The following DYNC2H1 variants were observed in gnomAD, a reference collection of about 807,000 sequenced individuals.
The protein encoded by DYNC2H1 is cytoplasmic dynein 2 heavy chain 1.
DYNC2H1 carries 410 observed loss-of-function variants against 570.0 expected under a neutral mutation model. That is an observed-to-expected ratio of 0.72 (90% CI 0.66 to 0.78). DYNC2H1 has a LOEUF of 0.78. Ranked by LOEUF, DYNC2H1 falls within the 30% of genes least tolerant of loss-of-function variation. DYNC2H1 has a pLI of 0.00. For missense variants in DYNC2H1, 4,865 were observed against 5,046.4 expected, an observed-to-expected ratio of 0.96 and a Z score of 1.09; for synonymous variants, 1,688 against 1,677.6, an observed-to-expected ratio of 1.01 and a Z score of -0.15.
intron 20 of DYNC2H1, among the ~76,000 whole-genome samples, 199 bp downstream of exon 20, chr11:103,148,816 T>C: frequency 6.7e-6 from 1 of 150,094 alleles, no homozygotes; most frequent in East Asian, 1.9e-4. Flanking sequence ...CTCAGTACTT[T>C]GGGAGGCCGA....
Position 103,256,325 on chromosome 11 carries a change from CAG to C in DYNC2H1, c.10461+86_10461+87del. On this transcript the variant is annotated intron_variant, in intron 68 of 88. Coordinates refer to ENST00000375735, the MANE Select transcript of DYNC2H1 (RefSeq NM_001377.3). The surrounding 1 kb of genome is among the most constrained non-coding windows in gnomAD (Gnocchi z 4.0). ...GATAGAAAATGTAGAATCAGGTCCT[CAG>C]GGGAAAGATGATGTGAAAAGAAAAA... is the stretch of plus-strand genomic sequence containing the variant. 1 of 1,325,650 alleles carries C rather than the reference CAG, an allele frequency of 7.5e-7. No homozygotes were observed. Among genetic ancestry groups the C allele is most frequent in the Non-Finnish European group, 1.0e-6 (1 of 971,796 alleles). 82.1% of individuals were successfully genotyped at this position (1,325,650 alleles called of 1,614,324 possible). A position where few individuals can be genotyped will look rare whatever the true frequency, so the allele number is the denominator to read the frequency against.
intron 69 of DYNC2H1, among the ~76,000 whole-genome samples, chr11:103,258,229 G>T (rs1865139984): frequency 6.6e-6 from 1 of 152,132 alleles, no homozygotes. Context: ...TTAACTAAAA[G>T]ATACAATACT....
At chr11:103,197,132 G>GTT (rs140092366) in intron 47 of DYNC2H1, among the ~76,000 whole-genome samples, 15 of 149,224 alleles carry the variant, frequency 1.0e-4, no homozygotes, top group Non-Finnish European at 1.8e-4. Flanking sequence ...AATTTGGTCA[G>GTT]TTTTTTTTTT....
In DYNC2H1 at chr11:103,186,064, A is replaced by T. The variant is rs1189067929; in HGVS notation, c.6634-178A>T. ...ATACTTTAATTTACTTGCATAAATGATCATTTAGAGAAAAATATTTGAGAT... is the reference window on the plus strand; with the variant it reads ...ATACTTTAATTTACTTGCATAAATGTTCATTTAGAGAAAAATATTTGAGAT... On this transcript the variant is annotated intron_variant, in intron 41 of 88. Transcript: ENST00000375735. The surrounding 1 kb of genome is among the most constrained non-coding windows in gnomAD (Gnocchi z 4.5). Among the ~76,000 whole-genome samples the T allele has an allele frequency of 6.6e-6, 1 of 152,000 alleles. No individual in the cohort carries two copies. The highest frequency in any genetic ancestry group is 2.4e-5 in the African/African-American group (1 of 41,422).
chr11:103,199,169 A>G lies in DYNC2H1; in HGVS notation c.7840-59A>G. 1 of 1,223,486 alleles carries G rather than the reference A, an allele frequency of 8.2e-7. No homozygotes were observed. The highest frequency in any genetic ancestry group is 1.1e-6 in the Non-Finnish European group (1 of 918,812). 75.8% of individuals were successfully genotyped at this position (1,223,486 alleles called of 1,614,324 possible). On this transcript the variant is annotated intron_variant, in intron 48 of 88. Coordinates refer to ENST00000375735, the MANE Select transcript of DYNC2H1 (RefSeq NM_001377.3). The surrounding 1 kb of genome is among the most constrained non-coding windows in gnomAD (Gnocchi z 4.6). ...TAATATTTTAACCTAGGTAAGTAAC[A>G]TTTTTATTATGTAATTAGGGCTTAT...
At chr11:103,119,851 G>A (rs1266664711) in intron 6 of DYNC2H1, among the ~76,000 whole-genome samples, 1 of 152,130 alleles carries the variant, frequency 6.6e-6, no homozygotes, top group Non-Finnish European at 1.5e-5. Context: ...CTGCTAACAG[G>A]TAAATTTTTA....
rs1862080190 is a variant in DYNC2H1 at position 103,186,584 on chromosome 11, T to C, written c.6893+83T>C. 2.0e-6 allele frequency: 3 copies of C among 1,496,490 alleles called. No individual in the cohort carries two copies. In the South Asian group the frequency reaches 4.0e-5, roughly 20 times the overall value. The allele number at this position is 1,496,490 out of a possible 1,614,324, so 92.7% of individuals were successfully genotyped here. On this transcript the variant is annotated intron_variant, in intron 42 of 88. Coordinates refer to ENST00000375735, the MANE Select transcript of DYNC2H1 (RefSeq NM_001377.3). This position sits in a 1 kb window ranked among gnomAD's most constrained non-coding sequence, Gnocchi z 4.5. ...GATTTAATGGCTTTTGTTATGTTTC[T>C]TTTGGTTAAAGTAGCATTTACATTT...
At chr11:103,234,441 A>T (rs957017576) in intron 61 of DYNC2H1, among the ~76,000 whole-genome samples, 3 of 151,922 alleles carry the variant, frequency 2.0e-5, no homozygotes, top group African/African-American at 7.2e-5. Flanking sequence ...TACTCCTTAG[A>T]ATTTTCTTTG....
intron 87 of DYNC2H1, among the ~76,000 whole-genome samples, chr11:103,457,811 C>T (rs1944848620): frequency 6.6e-6 from 1 of 152,154 alleles, no homozygotes; most frequent in Admixed American, 6.5e-5. Flanking sequence ...CTTTATGCAA[C>T]TAGCTTTTCA....
intron 88 of DYNC2H1, 27 bp from the exon 89 acceptor site, chr11:103,479,063 CTTTAT>C: frequency 6.2e-7 from 1 of 1,609,500 alleles, no homozygotes; most frequent in Non-Finnish European, 8.5e-7. Flanking sequence ...TAGTGTATTG[CTTTAT>C]TTTAAAACAA....
At chr11:103,333,235 A>G (rs1938917057) in intron 82 of DYNC2H1, among the ~76,000 whole-genome samples, 2 of 152,150 alleles carry the variant, frequency 1.3e-5, no homozygotes, top group African/African-American at 4.8e-5. Flanking sequence ...GTGTAAAAAA[A>G]GTAGAATTAT....
chr11:103,231,176 A>G (rs1317461712), intron 59 of DYNC2H1, 84 bp from the exon 60 acceptor site: 4 of 733,320 alleles, frequency 5.5e-6, no homozygotes, highest in African/African-American at 5.4e-5. Context: ...TAATTGTCAT[A>G]TGATTACATT....
At chr11:103,444,186 CTA>C (rs917675624) in intron 85 of DYNC2H1, among the ~76,000 whole-genome samples, 9 of 151,592 alleles carry the variant, frequency 5.9e-5, no homozygotes, top group African/African-American at 2.2e-4. Context: ...AATTATCAAT[CTA>C]TTTCTTGAAC....
rs554113087 is a variant in DYNC2H1, at chr11:103,252,621, C to T, written c.10043-664C>T. ...TGATGTTGAGCATCGTTTCATATAG[C>T]TGTTGGCCATATTTGTATCTTCTTT... is the stretch of plus-strand genomic sequence containing the variant. On this transcript the variant is annotated intron_variant, in intron 65 of 88. Transcript: ENST00000375735. This position sits in a 1 kb window ranked among gnomAD's most constrained non-coding sequence, Gnocchi z 4.6. Among the ~76,000 whole-genome samples the T allele has an allele frequency of 9.2e-5, 14 of 152,118 alleles. No individual in the cohort carries two copies. The highest frequency in any genetic ancestry group is 6.6e-5 in the Admixed American group (1 of 15,266).
At chr11:103,282,354 A>C in intron 72 of DYNC2H1, 125 bp downstream of exon 72, 1 of 802,120 alleles carries the variant, frequency 1.2e-6, no homozygotes, top group Non-Finnish European at 2.0e-6. Context: ...GATTAGAAGA[A>C]TATATTCTGG....
chr11:103,293,843 G>A (rs759483693), intron 75 of DYNC2H1, among the ~76,000 whole-genome samples: 9 of 152,164 alleles, frequency 5.9e-5, no homozygotes, highest in South Asian at 2.1e-4. Flanking sequence ...TTGGGAGGCC[G>A]AGTTGGGCGG....
intron 34 of DYNC2H1, among the ~76,000 whole-genome samples, chr11:103,171,392 A>G (rs1861564229): frequency 6.6e-6 from 1 of 151,838 alleles, no homozygotes; most frequent in South Asian, 2.1e-4. Flanking sequence ...AATAGCTGGG[A>G]TTACAGGTGC....
chr11:103,380,452 A>T (rs962306718), intron 83 of DYNC2H1, among the ~76,000 whole-genome samples: 20 of 152,336 alleles, frequency 1.3e-4, no homozygotes, highest in African/African-American at 4.8e-4. Flanking sequence ...CACACACAAA[A>T]AAAGAGTACA....
chr11:103,128,910 G>A lies in DYNC2H1; in HGVS notation c.1858G>A (p.Val620Met), dbSNP rs1859129827. 7 of 1,576,048 alleles carry A rather than the reference G, an allele frequency of 4.4e-6. No homozygotes were observed. The highest frequency in any genetic ancestry group is 5.1e-6 in the Non-Finnish European group (6 of 1,165,600). Residue 620 changes from valine to methionine, a missense_variant and splice_region_variant, in exon 13 of 89, where the codon GTG (valine) becomes ATG (methionine). Physicochemically the swap from Val to Met is conservative, Grantham distance 21. Around this residue, in one of 5 missense-constraint regions of DYNC2H1, gnomAD observed 1,936 missense variants for 1,962.1 expected, o/e 0.99. Coordinates refer to ENST00000375735, the MANE Select transcript of DYNC2H1 (RefSeq NM_001377.3). ...TACTAATTGGACTTTTACTTTGTAG[G>A]TGGCACATTTTTATAATTCTATTGA... ...FCKQAIILKQVAHFYNSIDQQ... is the reference protein window; with the variant it reads ...FCKQAIILKQMAHFYNSIDQQ...
Sources: allele counts gnomAD v4.1 joint callset (sites outside exome capture counted in the v4.1 genomes callset), GRCh38; gene constraint gnomAD v4.1.1; regional missense constraint gnomAD v4.1.1; non-coding constraint Gnocchi (gnomAD v3.1); transcripts MANE v1.5; gene names NCBI Gene and HGNC (gene_info 2026-07-23, HGNC 2026-07-21).